The following SLC16A12 variants were observed in gnomAD, a reference collection of about 807,000 sequenced individuals.
SLC16A12 encodes the protein solute carrier family 16 member 12.
A neutral mutation model predicts 42.4 loss-of-function variants in SLC16A12; 17 were observed. The observed-to-expected ratio is 0.40, with a 90% CI of 0.27 to 0.60. SLC16A12 has a LOEUF of 0.60. Ranked by LOEUF, SLC16A12 falls within the 20% of genes least tolerant of loss-of-function variation. The pLI is 0.42. For synonymous variants in SLC16A12, 224 were observed against 229.4 expected (o/e 0.98, Z 0.21); for missense variants, 544 against 623.0 (o/e 0.87, Z 1.35).
At chr10:89,513,682 A>C (rs912781778) in intron 2 of SLC16A12, among the ~76,000 whole-genome samples, 1 of 152,234 alleles carries the variant, frequency 6.6e-6, no homozygotes, top group Non-Finnish European at 1.5e-5. Context: ...CAAAATATTT[A>C]GCAAGAGACT....
intron 2 of SLC16A12, among the ~76,000 whole-genome samples, chr10:89,509,438 C>T (rs1843127485): frequency 6.6e-6 from 1 of 152,178 alleles, no homozygotes; most frequent in African/African-American, 2.4e-5. Context: ...GCTGGTTCAA[C>T]ATATGCAAAT....
chr10:89,554,083 A>AAGGAAGGAAG (rs1843789966), intron 2 of SLC16A12, among the ~76,000 whole-genome samples: 6 of 53,270 alleles, frequency 1.1e-4, no homozygotes, highest in African/African-American at 4.0e-4. Flanking sequence ...AAAGAAAGAA[A>AAGGAAGGAAG]GAAAGAAAGA....
At chr10:89,535,684 C>T (rs996557868), upstream of SLC16A12, 3 of 152,178 alleles carry the variant, frequency 2.0e-5, no homozygotes, top group African/African-American at 7.2e-5. Flanking sequence ...GCCTCCTCAC[C>T]TCGCCGGGAC....
chr10:89,458,228 C>T (rs1451581944), intron 3 of SLC16A12, among the ~76,000 whole-genome samples: 2 of 152,118 alleles, frequency 1.3e-5, no homozygotes, highest in African/African-American at 2.4e-5. Context: ...ATCCAATATG[C>T]GTTAGCCCAT....
chr10:89,554,099 A>AGAAAGAAAGAAAGAAGGAAGGAAG (rs1269931223), intron 2 of SLC16A12, among the ~76,000 whole-genome samples: 1 of 14,472 alleles, frequency 6.9e-5, no homozygotes, highest in African/African-American at 2.9e-4. Flanking sequence ...AAAGAAAGAA[A>AGAAAGAAAGAAAGAAGGAAGGAAG]GAAGGAAGGA....
At chr10:89,439,899 C>T (rs181302766) in intron 5 of SLC16A12, among the ~76,000 whole-genome samples, 2 of 151,142 alleles carry the variant, frequency 1.3e-5, no homozygotes, top group East Asian at 3.9e-4. Context: ...TGGCAAAACC[C>T]CATCTCTGCA....
At chr10:89,555,103 G>T (rs1014044280) in intron 2 of SLC16A12, among the ~76,000 whole-genome samples, 1 of 151,950 alleles carries the variant, frequency 6.6e-6, no homozygotes, top group Non-Finnish European at 1.5e-5. Context: ...AAGTCTTCAG[G>T]ATTAGCAATT....
intron 2 of SLC16A12, among the ~76,000 whole-genome samples, chr10:89,554,621 C>T: frequency 6.6e-6 from 1 of 152,054 alleles, no homozygotes; most frequent in East Asian, 1.9e-4. Context: ...CAGAGCTGCT[C>T]TTTCTGTTTG....
chr10:89,464,381 T>G (rs1589681425), intron 2 of SLC16A12, among the ~76,000 whole-genome samples: 1 of 152,308 alleles, frequency 6.6e-6, no homozygotes, highest in Non-Finnish European at 1.5e-5. Context: ...TCTTAAGGCA[T>G]TCCATGGCTT....
chr10:89,440,815 C>T (rs532839333), intron 5 of SLC16A12, among the ~76,000 whole-genome samples: 1 of 152,254 alleles, frequency 6.6e-6, no homozygotes, highest in South Asian at 2.1e-4. Context: ...ATTCATGTTG[C>T]CCTGGGTAAT....
At position 89,441,209 on chromosome 10, in the gene SLC16A12, A is replaced by C; in HGVS notation, c.347T>G (p.Val116Gly). Residue 116 changes from valine (V) to glycine (G), a missense_variant, in exon 5 of 8, where the codon GTG becomes GGG. Val to Gly is a moderately radical substitution (Grantham distance 109). Coordinates refer to ENST00000371790, the MANE Select transcript of SLC16A12 (RefSeq NM_213606.4). ...SVVSNHLSCQ[V>G]GIMLGGLLAS... ...AAGCAAGCCACCCAGCATGATTCCC[A>C]CTTGACAGGATAAATGGTTACTGAC... 1.2e-6 allele frequency: 2 copies of C among 1,614,032 alleles called. No homozygotes were observed. The highest frequency in any genetic ancestry group is 8.5e-7 in the Non-Finnish European group (1 of 1,179,970).
At chr10:89,515,840 T>C (rs953960757) in intron 2 of SLC16A12, among the ~76,000 whole-genome samples, 1 of 152,066 alleles carries the variant, frequency 6.6e-6, no homozygotes, top group African/African-American at 2.4e-5. Flanking sequence ...GAGAAAGAAA[T>C]GGGATTTTTC....
intron 3 of SLC16A12, among the ~76,000 whole-genome samples, chr10:89,445,978 G>T (rs956409851): frequency 4.6e-5 from 7 of 152,132 alleles, no homozygotes; most frequent in Non-Finnish European, 8.8e-5. Context: ...TTCAGTAGCC[G>T]ATTTGATCAA....
chr10:89,486,443 T>C (rs1020608780), intron 2 of SLC16A12, among the ~76,000 whole-genome samples: 1 of 150,506 alleles, frequency 6.6e-6, no homozygotes, highest in African/African-American at 2.4e-5. Flanking sequence ...TAGAAAAAAA[T>C]TAGTCAGACA....
chr10:89,466,741 C>T (rs1318611370), intron 2 of SLC16A12, among the ~76,000 whole-genome samples: 1 of 152,180 alleles, frequency 6.6e-6, no homozygotes, highest in East Asian at 1.9e-4. Context: ...CTGCACTTCC[C>T]CTTTACCCTA....
At chr10:89,471,448 T>C (rs1842491838) in intron 2 of SLC16A12, among the ~76,000 whole-genome samples, 1 of 152,246 alleles carries the variant, frequency 6.6e-6, no homozygotes, top group African/African-American at 2.4e-5. Flanking sequence ...ATCATTCAGT[T>C]TGTTGTGTGT....
intron 2 of SLC16A12, among the ~76,000 whole-genome samples, chr10:89,500,975 A>G (rs762868556): frequency 1.6e-4 from 24 of 152,226 alleles, no homozygotes; most frequent in Non-Finnish European, 3.1e-4. Flanking sequence ...TACACAAATC[A>G]GTAGCTCTTC....
intron 2 of SLC16A12, among the ~76,000 whole-genome samples, chr10:89,533,999 G>C (rs1483942684): frequency 6.6e-6 from 1 of 152,242 alleles, no homozygotes; most frequent in African/African-American, 2.4e-5. Flanking sequence ...CCAGTTAACA[G>C]TATGAATTCA....
upstream of SLC16A12, among the ~76,000 whole-genome samples, chr10:89,539,629 T>C: frequency 6.6e-6 from 1 of 152,196 alleles, no homozygotes; most frequent in East Asian, 1.9e-4. Flanking sequence ...ATTTGGGGTG[T>C]CCAGGTCAAG....
Sources: allele counts gnomAD v4.1 joint callset (sites outside exome capture counted in the v4.1 genomes callset), GRCh38; gene constraint gnomAD v4.1.1; transcripts MANE v1.5; gene names NCBI Gene and HGNC (gene_info 2026-07-23, HGNC 2026-07-21).